The following PITPNM3 variants were observed in gnomAD, a reference collection of about 807,000 sequenced individuals.
PITPNM3 encodes the protein membrane-associated phosphatidylinositol transfer protein 3.
A neutral mutation model predicts 102.0 loss-of-function variants in PITPNM3; 26 were observed. The observed-to-expected ratio is 0.25, with a 90% confidence interval of 0.19 to 0.35. The LOEUF is 0.35. Ranked by LOEUF, PITPNM3 falls within the 10% of genes least tolerant of loss-of-function variation. The pLI, the probability that PITPNM3 is intolerant of heterozygous loss-of-function variation, is 1.00. For missense variants in PITPNM3, 1,083 were observed against 1,346.1 expected (o/e 0.80, Z 3.06); for synonymous variants, 578 against 558.6 (o/e 1.03, Z -0.49).
At chr17:6,484,340 T>A in intron 4 of PITPNM3, 48 bp from the exon 5 acceptor site, 3 of 1,524,554 alleles carry the variant, frequency 2.0e-6, no homozygotes, top group Non-Finnish European at 2.7e-6. Context: ...TTCCCTACAG[T>A]GACCAGACAC....
At chr17:6,474,393 C>T (rs778148361) in intron 10 of PITPNM3, 39 bp downstream of exon 10, 79 of 1,604,114 alleles carry the variant, frequency 4.9e-5, no homozygotes, top group East Asian at 2.0e-4. Flanking sequence ...GCCCTAGTGA[C>T]GCACAGGCAC....
At chr17:6,471,487 C>A (rs919656324) in intron 11 of PITPNM3, 132 bp from the exon 12 acceptor site, 15 of 873,298 alleles carry the variant, frequency 1.7e-5, no homozygotes, top group African/African-American at 5.1e-5. Context: ...ACTTGCCAGC[C>A]CAGCAGGCAC....
intron 4 of PITPNM3, among the ~76,000 whole-genome samples, chr17:6,489,875 G>T (rs541862575): frequency 6.6e-6 from 1 of 151,928 alleles, no homozygotes; most frequent in Admixed American, 6.6e-5. Context: ...ATGGTGGTGC[G>T]CACCTGTAAT....
intron 2 of PITPNM3, among the ~76,000 whole-genome samples, chr17:6,528,662 C>T (rs1908976007): frequency 6.6e-6 from 1 of 152,132 alleles, no homozygotes; most frequent in Admixed American, 6.5e-5. Context: ...GGCATTCTCA[C>T]ACTCCCTGCC....
intron 3 of PITPNM3, among the ~76,000 whole-genome samples, chr17:6,508,049 G>A (rs539234099): frequency 3.0e-4 from 46 of 151,444 alleles, no homozygotes; most frequent in African/African-American, 1.0e-3. Context: ...TGCTGGGGTT[G>A]CTGGGGTTGC....
At chr17:6,464,540 C>T (rs1386071761) in intron 15 of PITPNM3, 115 bp downstream of exon 15, 1 of 1,195,824 alleles carries the variant, frequency 8.4e-7, no homozygotes, top group Non-Finnish European at 1.2e-6. Flanking sequence ...TGGCCCTGTG[C>T]TTCCACCCCA....
At chr17:6,533,381 T>A (rs1013202947) in intron 2 of PITPNM3, among the ~76,000 whole-genome samples, 4 of 152,248 alleles carry the variant, frequency 2.6e-5, no homozygotes, top group Admixed American at 2.0e-4. Context: ...TCTTTTCACA[T>A]GCTTACTTGC....
intron 3 of PITPNM3, among the ~76,000 whole-genome samples, chr17:6,515,940 A>C (rs1311877047): frequency 6.6e-6 from 1 of 152,172 alleles, no homozygotes; most frequent in Non-Finnish European, 1.5e-5. Flanking sequence ...TAGCACTTTG[A>C]GAGGCTGAGG....
In PITPNM3 at chr17:6,457,318, C is replaced by T. The variant is rs1029316198; in HGVS notation, c.2619+276G>A. 6.6e-6 allele frequency among the ~76,000 whole-genome samples: 1 copy of T among 152,224 alleles called. No individual in the cohort carries two copies. The highest frequency in any genetic ancestry group is 6.5e-5 in the Admixed American group (1 of 15,286). On this transcript the variant is annotated intron_variant, in intron 19 of 19. Coordinates refer to ENST00000262483, the MANE Select transcript of PITPNM3 (RefSeq NM_031220.4). The surrounding 1 kb of genome is among the most constrained non-coding windows in gnomAD (Gnocchi z 4.7). Reference sequence around the variant, plus strand: ...AGTTCCCTGTGCTCCCGTCATACATCATGGCACTTGTTACACTCCACTGTC... The same window carrying T: ...AGTTCCCTGTGCTCCCGTCATACATTATGGCACTTGTTACACTCCACTGTC...
In PITPNM3 at chr17:6,491,895, G is replaced by A. The variant is rs991321713; in HGVS notation, c.275-7603C>T. On this transcript the variant is annotated intron_variant, in intron 4 of 19. Coordinates refer to ENST00000262483, the MANE Select transcript of PITPNM3 (RefSeq NM_031220.4). ...TTTGGGTTAAAAATGAACTAGAGGG[G>A]CTAGGCGCCATGGCTCACAACTGTA... is the stretch of plus-strand genomic sequence containing the variant. 2.9e-5 allele frequency among the ~76,000 whole-genome samples: 4 copies of A among 138,588 alleles called. No homozygotes were observed. In the East Asian group the frequency reaches 8.2e-4, roughly 29 times the overall value. 90.9% of individuals were successfully genotyped at this position (138,588 alleles called of 152,430 possible).
chr17:6,544,114 C>G (rs1909879917), intron 1 of PITPNM3, among the ~76,000 whole-genome samples: 1 of 152,262 alleles, frequency 6.6e-6, no homozygotes, highest in South Asian at 2.1e-4. Context: ...CAGCATTGGG[C>G]TGGCACCTGC....
rs913488153 is a variant in PITPNM3, at chr17:6,455,104, G to C, written c.*234C>G. 5 of 561,084 alleles carry C rather than the reference G, an allele frequency of 8.9e-6. No individual in the cohort carries two copies. The highest frequency in any genetic ancestry group is 1.2e-5 in the Non-Finnish European group (4 of 329,310). The allele number at this position is 561,084 out of a possible 1,614,324, so 34.8% of individuals were successfully genotyped here. A position where few individuals can be genotyped will look rare whatever the true frequency, so the allele number is the denominator to read the frequency against. On this transcript the variant is annotated 3_prime_UTR_variant, in exon 20 of 20. Transcript: ENST00000262483. ...CCCTGACTTGGGCTTGCGGTCGCAG[G>C]CCCGTGGGAGGCAGCAGTGGCTGCA...
chr17:6,489,855 T>G (rs573159143), intron 4 of PITPNM3, among the ~76,000 whole-genome samples: 153 of 151,976 alleles, frequency 1.0e-3, no homozygotes, highest in Non-Finnish European at 1.9e-3. Flanking sequence ...AATACAAAAA[T>G]TAGCTGGGCA....
Position 6,471,163 on chromosome 17 carries a change from C to G in PITPNM3, c.1622G>C (p.Arg541Pro), listed in dbSNP as rs201356209. The G allele has an allele frequency of 5.0e-6, 8 of 1,612,060 alleles. No individual in the cohort carries two copies. Among genetic ancestry groups the G allele is most frequent in the Non-Finnish European group, 6.8e-6 (8 of 1,179,980 alleles). The change falls in exon 12 of 20, where the codon CGC (arginine) becomes CCC (proline). Residue 541 changes from arginine (R) to proline (P), a missense_variant and splice_region_variant. Arg to Pro is a moderately radical substitution (Grantham distance 103). Around this residue, in one of 5 missense-constraint regions of PITPNM3, gnomAD observed 410 missense variants for 638.4 expected, o/e 0.64. Transcript: ENST00000262483. ...SDSMAPVGAS[R>P]ITAKWWGSKR... Reference sequence around the variant, plus strand: ...GGCCCCAAAAGGACCTCACTCACTGCGGGAGGCACCCACGGGTGCCATGCT... The same window carrying G: ...GGCCCCAAAAGGACCTCACTCACTGGGGGAGGCACCCACGGGTGCCATGCT...
intron 9 of PITPNM3, among the ~76,000 whole-genome samples, chr17:6,475,840 AG>A (rs1905277824): frequency 6.6e-6 from 1 of 152,196 alleles, no homozygotes; most frequent in East Asian, 1.9e-4. Flanking sequence ...AAGCCTCACT[AG>A]AAGGTAGCTG....
At chr17:6,553,702 C>T (rs1039267862) in intron 1 of PITPNM3, among the ~76,000 whole-genome samples, 1 of 152,168 alleles carries the variant, frequency 6.6e-6, no homozygotes, top group African/African-American at 2.4e-5. Flanking sequence ...GCCACAGCCT[C>T]CACTCCTGGC....
intron 4 of PITPNM3, among the ~76,000 whole-genome samples, chr17:6,502,693 A>G (rs1403899184): frequency 2.6e-5 from 4 of 152,250 alleles, no homozygotes; most frequent in Non-Finnish European, 5.9e-5. Context: ...AGAAGTCAGG[A>G]AAGTTCTGAG....
chr17:6,470,321 G>A lies in PITPNM3; in HGVS notation c.1712C>T (p.Pro571Leu). Residue 571 changes from proline to leucine, a missense_variant, in exon 13 of 20, where the codon CCC becomes CTC. Transcript: ENST00000262483. This position sits in a 1 kb window ranked among gnomAD's most constrained non-coding sequence, Gnocchi z 4.8. ...CCAGTAACTGGCGTGGAAGAGGTGG[G>A]GCAGGGCCACGGTGGGGAAGGCCGT... ...VLTAFPTVAL[P>L]HLFHASYWES... 6.2e-7 allele frequency: 1 copy of A among 1,614,092 alleles called. No individual in the cohort carries two copies. The highest frequency in any genetic ancestry group is 8.5e-7 in the Non-Finnish European group (1 of 1,179,992).
chr17:6,471,563 T>C (rs1905078807), intron 11 of PITPNM3, among the ~76,000 whole-genome samples: 1 of 152,154 alleles, frequency 6.6e-6, no homozygotes, highest in African/African-American at 2.4e-5. Context: ...TGCCACCGCA[T>C]ATTGCCGCAT....
Sources: gnomAD v4.1 joint callset for allele counts (sites outside exome capture counted in the v4.1 genomes callset) on GRCh38, gnomAD v4.1.1 for gene constraint, gnomAD v4.1.1 regional missense constraint, Gnocchi (gnomAD v3.1) non-coding constraint, MANE v1.5 for transcripts, NCBI Gene and HGNC (gene_info 2026-07-23, HGNC 2026-07-21) for gene names.